Variants in STAG1 observed in about 807,000 individuals in gnomAD.
STAG1 encodes cohesin subunit SA-1.
STAG1 carries 26 observed loss-of-function variants against 170.9 expected under a neutral mutation model. The observed-to-expected ratio is 0.15, with a 90% confidence interval of 0.11 to 0.21. The LOEUF (loss-of-function observed/expected upper bound fraction) is 0.21, where lower values mean the gene tolerates loss of function less well. STAG1 is among the 10% of genes least tolerant of loss of function. The pLI, the probability that STAG1 is intolerant of heterozygous loss-of-function variation, is 1.00. For missense variants in STAG1, 964 were observed against 1,509.5 expected (o/e 0.64, Z 5.99); for synonymous variants, 514 against 497.7 (o/e 1.03, Z -0.44).
chr3:136,690,056 C>CAAAAAAAAAAAAAAAAAAA (rs57082567), intron 1 of STAG1, among the ~76,000 whole-genome samples: 3 of 56,404 alleles, frequency 5.3e-5, no homozygotes, highest in Non-Finnish European at 9.6e-5. Context: ...AAAAGCAAAC[C>CAAAAAAAAAAAAAAAAAAA]AAAAAAAAAA....
chr3:136,558,615 G>A (rs1936717913), intron 5 of STAG1, among the ~76,000 whole-genome samples: 1 of 152,108 alleles, frequency 6.6e-6, no homozygotes, highest in Admixed American at 6.5e-5. Flanking sequence ...TAAAAATACT[G>A]GCAATACTAT....
At chr3:136,715,171 C>CT (rs35662353) in intron 1 of STAG1, among the ~76,000 whole-genome samples, 49,260 of 133,750 alleles carry the variant, frequency 0.37, 10,261 homozygotes, top group African/African-American at 0.58. Flanking sequence ...GGTTTTTTAA[C>CT]TTTTTTTTTT....
At chr3:136,538,359 G>A (rs1397812305) in intron 6 of STAG1, among the ~76,000 whole-genome samples, 2 of 150,608 alleles carry the variant, frequency 1.3e-5, no homozygotes, top group Admixed American at 6.6e-5. Context: ...AAGACATTTA[G>A]AAAATAGATG....
intron 2 of STAG1, among the ~76,000 whole-genome samples, chr3:136,623,783 C>T (rs1238998550): frequency 6.6e-6 from 1 of 151,926 alleles, no homozygotes; most frequent in Non-Finnish European, 1.5e-5. Flanking sequence ...AGTAAAACCC[C>T]ATCAGTACTA....
At chr3:136,550,468 C>T (rs1246664134) in intron 5 of STAG1, among the ~76,000 whole-genome samples, 4 of 151,944 alleles carry the variant, frequency 2.6e-5, no homozygotes, top group African/African-American at 9.7e-5. Context: ...CCACCATGCC[C>T]GGCTAATTTT....
At chr3:136,348,807 A>G (rs1936330257) in intron 29 of STAG1, 2 of 245,706 alleles carry the variant, frequency 8.1e-6, no homozygotes, top group South Asian at 1.0e-4. Context: ...AATTACCTGT[A>G]TCTCATCTAT....
At chr3:136,474,613 T>A (rs369126398) in intron 10 of STAG1, among the ~76,000 whole-genome samples, 1 of 152,234 alleles carries the variant, frequency 6.6e-6, no homozygotes, top group African/African-American at 2.4e-5. Flanking sequence ...TGGAGATGCA[T>A]AATCACTCTT....
chr3:136,567,413 CTT>C (rs1181311525), intron 5 of STAG1, among the ~76,000 whole-genome samples: 4 of 152,196 alleles, frequency 2.6e-5, no homozygotes, highest in Non-Finnish European at 4.4e-5. Context: ...ACCATGCTTT[CTT>C]GTCTTAAGGT....
Position 136,464,965 on chromosome 3 carries a change from T to C in STAG1, c.1229A>G (p.Asn410Ser), listed in dbSNP as rs141146689. 55 of 1,609,852 alleles carry C rather than the reference T, an allele frequency of 3.4e-5. 1 individual carries two copies. Among genetic ancestry groups the C allele is most frequent in the African/African-American group, 6.7e-5 (5 of 74,886 alleles). The change falls in exon 13 of 34, where the codon AAT (asparagine) becomes AGT (serine). Residue 410 changes from asparagine to serine, a missense_variant. Asn to Ser is a conservative substitution (Grantham distance 46). Transcript: ENST00000383202. ...ILHGSEEALSNEDCENVYHLV... is the reference protein window; with the variant it reads ...ILHGSEEALSSEDCENVYHLV... ...GTGGTAAACATTTTCACAGTCTTCA[T>C]TGGAAAGAGCTTCTTCACTTCCACT...
At chr3:136,425,002 G>C (rs531524943) in intron 16 of STAG1, among the ~76,000 whole-genome samples, 2 of 152,034 alleles carry the variant, frequency 1.3e-5, no homozygotes, top group African/African-American at 4.8e-5. Flanking sequence ...ACCACACCTA[G>C]CTAATTTTTG....
At chr3:136,530,772 G>A (rs902975480) in intron 6 of STAG1, among the ~76,000 whole-genome samples, 5 of 152,118 alleles carry the variant, frequency 3.3e-5, no homozygotes, top group African/African-American at 1.2e-4. Flanking sequence ...ACTGCAGTAG[G>A]ATGAAAGTTT....
intron 28 of STAG1, among the ~76,000 whole-genome samples, chr3:136,351,014 C>T (rs1184472901): frequency 6.6e-6 from 1 of 152,136 alleles, no homozygotes; most frequent in African/African-American, 2.4e-5. Context: ...CATCTTACAA[C>T]ATATATGTAT....
chr3:136,385,599 A>G (rs192928305), intron 22 of STAG1, among the ~76,000 whole-genome samples: 1 of 152,342 alleles, frequency 6.6e-6, no homozygotes, highest in East Asian at 1.9e-4. Context: ...GCTTCCTGGT[A>G]GATCTAGTGA....
intron 7 of STAG1, among the ~76,000 whole-genome samples, chr3:136,512,404 A>C (rs567662046): frequency 6.6e-6 from 1 of 152,312 alleles, no homozygotes; most frequent in South Asian, 2.1e-4. Flanking sequence ...TATGGTCTGA[A>C]AATAGGAATA....
chr3:136,689,663 T>C (rs1489036439), intron 1 of STAG1, among the ~76,000 whole-genome samples: 1 of 152,186 alleles, frequency 6.6e-6, no homozygotes, highest in African/African-American at 2.4e-5. Context: ...TCTCTTTCAG[T>C]GGGACGACAG....
intron 1 of STAG1, among the ~76,000 whole-genome samples, chr3:136,712,634 G>A (rs969855400): frequency 6.6e-6 from 1 of 152,148 alleles, no homozygotes; most frequent in African/African-American, 2.4e-5. Context: ...GTGCACTCAG[G>A]AGAATATAAA....
At chr3:136,646,530 C>A (rs1941020202) in intron 1 of STAG1, among the ~76,000 whole-genome samples, 1 of 152,144 alleles carries the variant, frequency 6.6e-6, no homozygotes, top group Non-Finnish European at 1.5e-5. Context: ...AATAAGGTAT[C>A]CTTGTGGGAT....
At chr3:136,670,107 C>T (rs1941932085) in intron 1 of STAG1, among the ~76,000 whole-genome samples, 1 of 152,204 alleles carries the variant, frequency 6.6e-6, no homozygotes, top group Non-Finnish European at 1.5e-5. Context: ...CAGGAGTCTA[C>T]AGTCAAGTTA....
intron 21 of STAG1, among the ~76,000 whole-genome samples, chr3:136,406,620 C>T (rs920726846): frequency 4.6e-5 from 7 of 152,008 alleles, no homozygotes; most frequent in African/African-American, 9.7e-5. Flanking sequence ...TTAAGAAATA[C>T]ATAAACACTG....
Sources: gnomAD v4.1 joint callset for allele counts (sites outside exome capture counted in the v4.1 genomes callset) on GRCh38, gnomAD v4.1.1 for gene constraint, MANE v1.5 for transcripts, NCBI Gene and HGNC (gene_info 2026-07-23, HGNC 2026-07-21) for gene names.